The following HHAT variants were observed in gnomAD, a reference collection of about 807,000 sequenced individuals.
HHAT encodes hedgehog acyltransferase.
A neutral mutation model predicts 70.8 loss-of-function variants in HHAT; 47 were observed. The ratio of observed to expected loss-of-function variants is 0.66; its 90% CI spans 0.53 to 0.85. HHAT has a LOEUF of 0.85. Ranked by LOEUF, HHAT falls within the 40% of genes least tolerant of loss-of-function variation. The probability of loss-of-function intolerance (pLI) is 0.00; values close to 1 mark genes in which losing one functional copy is unlikely to be tolerated. For synonymous variants in HHAT, 228 were observed against 247.6 expected, an observed-to-expected ratio of 0.92 and a Z score of 0.74; for missense variants, 609 against 604.8, an observed-to-expected ratio of 1.01 and a Z score of -0.07.
At chr1:210,497,466 G>C (rs1247790589) in intron 8 of HHAT, among the ~76,000 whole-genome samples, 1 of 152,170 alleles carries the variant, frequency 6.6e-6, no homozygotes, top group East Asian at 1.9e-4. Context: ...AACTGTGGCA[G>C]TTTCAAACTG....
chr1:210,597,152 C>G (rs542921436), intron 10 of HHAT, among the ~76,000 whole-genome samples: 2 of 152,328 alleles, frequency 1.3e-5, no homozygotes, highest in African/African-American at 4.8e-5. Context: ...GGTAAAGACT[C>G]TTGTTCTCTT....
intron 8 of HHAT, among the ~76,000 whole-genome samples, chr1:210,490,927 A>C (rs547623555): frequency 3.5e-4 from 54 of 152,136 alleles, no homozygotes; most frequent in Non-Finnish European, 6.8e-4. Context: ...AAAATAACAC[A>C]TTGTAAGGAG....
chr1:210,606,113 G>A (rs1180716504), intron 10 of HHAT, among the ~76,000 whole-genome samples: 1 of 151,970 alleles, frequency 6.6e-6, no homozygotes, highest in Non-Finnish European at 1.5e-5. Flanking sequence ...ATCTGCCTTG[G>A]CCTCCCAAAG....
chr1:210,495,587 C>G (rs914951761), intron 8 of HHAT, among the ~76,000 whole-genome samples: 2 of 152,102 alleles, frequency 1.3e-5, no homozygotes, highest in Non-Finnish European at 2.9e-5. Flanking sequence ...CCCTCTTTCT[C>G]TATGTATGTA....
intron 9 of HHAT, among the ~76,000 whole-genome samples, chr1:210,546,140 C>T (rs1454608659): frequency 2.6e-5 from 4 of 152,184 alleles, no homozygotes; most frequent in Admixed American, 2.6e-4. Flanking sequence ...TTCAGCTGGT[C>T]AATTCAGCTA....
At chr1:210,606,059 T>C (rs1402830925) in intron 10 of HHAT, among the ~76,000 whole-genome samples, 1 of 152,120 alleles carries the variant, frequency 6.6e-6, no homozygotes, top group Non-Finnish European at 1.5e-5. Flanking sequence ...AATTTCACTA[T>C]GTTGGCCAGG....
rs77298357 is a variant in HHAT at position 210,510,437 on chromosome 1, C to T, written c.1008-2716C>T. 1.8e-3 allele frequency among the ~76,000 whole-genome samples: 271 copies of T among 152,336 alleles called. 1 individual carries two copies. Among genetic ancestry groups the T allele is most frequent in the African/African-American group, 6.2e-3 (256 of 41,578 alleles). On this transcript the variant is annotated intron_variant, in intron 8 of 11. Transcript: ENST00000261458. The stretch of plus-strand genomic sequence containing the variant: ...ACTCTGCTTACGTGAACTTCCATCA[C>T]TTTCCAGAGCCTGGCTAGCTGAGAC...
Position 210,676,102 on chromosome 1 carries a change from A to G in HHAT, c.*1723A>G, listed in dbSNP as rs928475895. The G allele has an allele frequency of 1.3e-5, 2 of 152,220 alleles. No individual in the cohort carries two copies. The highest frequency in any genetic ancestry group is 6.5e-5 in the Admixed American group (1 of 15,286). 9.4% of individuals were successfully genotyped at this position (152,220 alleles called of 1,614,324 possible). On this transcript the variant is annotated 3_prime_UTR_variant, in exon 12 of 12. Transcript: ENST00000261458. ...GGAAGTGTCTAATGTATGTGCACAT[A>G]TAAGTAATACAAAAGTTTTGAGCTC... is the stretch of plus-strand genomic sequence containing the variant.
intron 9 of HHAT, among the ~76,000 whole-genome samples, chr1:210,534,921 A>G (rs929085885): frequency 8.5e-5 from 13 of 152,234 alleles, no homozygotes; most frequent in Admixed American, 1.3e-4. Flanking sequence ...CTGGCCTTCA[A>G]CAAGGACCTT....
intron 9 of HHAT, among the ~76,000 whole-genome samples, chr1:210,553,505 A>AT (rs778915316): frequency 8.5e-5 from 13 of 152,198 alleles, no homozygotes; most frequent in Admixed American, 2.6e-4. Flanking sequence ...GTGCAGAGTA[A>AT]TAAGACCTAA....
chr1:210,512,338 C>G (rs562805079), intron 8 of HHAT, among the ~76,000 whole-genome samples: 63 of 152,222 alleles, frequency 4.1e-4, no homozygotes, highest in African/African-American at 1.5e-3. Context: ...GCCCCACCCC[C>G]CCTCACCTGC....
chr1:210,558,985 C>T (rs1373680022), intron 9 of HHAT, among the ~76,000 whole-genome samples: 1 of 152,182 alleles, frequency 6.6e-6, no homozygotes, highest in Non-Finnish European at 1.5e-5. Flanking sequence ...CAATTAGTGA[C>T]TCATGGAATT....
intron 7 of HHAT, among the ~76,000 whole-genome samples, chr1:210,432,016 C>G (rs1363278753): frequency 6.6e-6 from 1 of 151,826 alleles, no homozygotes; most frequent in Non-Finnish European, 1.5e-5. Context: ...CAGTCCTATT[C>G]TATATCTGTT....
intron 10 of HHAT, among the ~76,000 whole-genome samples, chr1:210,603,867 T>C (rs187304906): frequency 2.6e-5 from 4 of 152,328 alleles, no homozygotes; most frequent in African/African-American, 9.6e-5. Flanking sequence ...TTGGTATCAA[T>C]ATACTTGTGA....
At chr1:210,410,100 T>A (rs904111457) in intron 6 of HHAT, among the ~76,000 whole-genome samples, 1 of 151,844 alleles carries the variant, frequency 6.6e-6, no homozygotes, top group Admixed American at 6.6e-5. Flanking sequence ...TCGCCCAGGA[T>A]GGAGTGCAGT....
chr1:210,459,988 A>G (rs995295628), intron 7 of HHAT, among the ~76,000 whole-genome samples: 15 of 152,304 alleles, frequency 9.8e-5, no homozygotes, highest in African/African-American at 1.4e-4. Flanking sequence ...ATGGCTGGCT[A>G]TTGAGGCTGC....
intron 8 of HHAT, among the ~76,000 whole-genome samples, chr1:210,485,679 T>C (rs1162620605): frequency 2.0e-5 from 3 of 152,114 alleles, no homozygotes; most frequent in African/African-American, 7.2e-5. Flanking sequence ...CTTAAATGGA[T>C]GGCAGCAGAC....
chr1:210,609,924 T>C (rs1253266806), intron 10 of HHAT, among the ~76,000 whole-genome samples: 1 of 152,208 alleles, frequency 6.6e-6, no homozygotes, highest in Non-Finnish European at 1.5e-5. Flanking sequence ...TGATGGGCGT[T>C]TAGATTGACT....
intron 8 of HHAT, among the ~76,000 whole-genome samples, chr1:210,510,245 T>A (rs2094930887): frequency 6.6e-6 from 1 of 152,144 alleles, no homozygotes; most frequent in African/African-American, 2.4e-5. Context: ...GGCCACCATT[T>A]CTATGAGGAA....
Sources: allele counts gnomAD v4.1 joint callset (sites outside exome capture counted in the v4.1 genomes callset), GRCh38; gene constraint gnomAD v4.1.1; transcripts MANE v1.5; gene names NCBI Gene and HGNC (gene_info 2026-07-23, HGNC 2026-07-21).